CAMTA1: variants seen among roughly 807,000 people sequenced by gnomAD.
The protein encoded by CAMTA1 is calmodulin-binding transcription activator 1.
A neutral mutation model predicts 170.9 loss-of-function variants in CAMTA1; 27 were observed. That is an observed-to-expected ratio of 0.16 (90% confidence interval 0.12 to 0.22). CAMTA1 has a LOEUF of 0.22. CAMTA1 is among the 10% of genes least tolerant of loss of function. The pLI, the probability that CAMTA1 is intolerant of heterozygous loss-of-function variation, is 1.00. For synonymous variants in CAMTA1, 833 were observed against 891.5 expected, an observed-to-expected ratio of 0.93 and a Z score of 1.17; for missense variants, 1,619 against 2,217.2, an observed-to-expected ratio of 0.73 and a Z score of 5.42.
chr1:7,439,954 C>A (rs564075896), intron 5 of CAMTA1, among the ~76,000 whole-genome samples: 7 of 152,356 alleles, frequency 4.6e-5, no homozygotes, highest in African/African-American at 1.4e-4. Flanking sequence ...ACAGAATCAT[C>A]GCTAGAATTC....
intron 4 of CAMTA1, among the ~76,000 whole-genome samples, chr1:7,231,334 T>TGA (rs1662766511): frequency 2.1e-5 from 2 of 95,708 alleles, no homozygotes; most frequent in African/African-American, 3.9e-5. Flanking sequence ...TTAATGTGTG[T>TGA]GTGTGTGTGT....
At chr1:7,142,171 C>T (rs536900586) in intron 4 of CAMTA1, 20 of 518,184 alleles carry the variant, frequency 3.9e-5, no homozygotes, top group South Asian at 2.8e-4. Context: ...CTGCCAGCAC[C>T]CTCCCAGGCT....
rs567599970 is a variant in CAMTA1, at chr1:7,746,165, G to A, written c.4617+74G>A. On this transcript the variant is annotated intron_variant, in intron 18 of 22. Coordinates refer to ENST00000303635, the MANE Select transcript of CAMTA1 (RefSeq NM_015215.4). The stretch of plus-strand genomic sequence containing the variant: ...GGACAGATGAAAGTCAGAATCATGC[G>A]AACAAAAACATTTACTATTTCTTTT... The A allele has an allele frequency of 1.7e-4, 250 of 1,510,196 alleles. 1 individual carries two copies. The highest frequency in any genetic ancestry group is 1.8e-4 in the Middle Eastern group (1 of 5,688). 93.5% of individuals were successfully genotyped at this position (1,510,196 alleles called of 1,614,324 possible). A position where few individuals can be genotyped will look rare whatever the true frequency, so the allele number is the denominator to read the frequency against.
intron 3 of CAMTA1, among the ~76,000 whole-genome samples, chr1:6,950,134 A>T (rs1688228008): frequency 6.6e-6 from 1 of 152,208 alleles, no homozygotes; most frequent in African/African-American, 2.4e-5. Context: ...CAGAGGTCTC[A>T]TCTGCCCAGG....
At chr1:7,018,950 C>T (rs1049501614) in intron 3 of CAMTA1, among the ~76,000 whole-genome samples, 2 of 152,146 alleles carry the variant, frequency 1.3e-5, no homozygotes, top group African/African-American at 4.8e-5. Context: ...CAGAGGGGCC[C>T]GAAGAGACCC....
intron 3 of CAMTA1, among the ~76,000 whole-genome samples, chr1:6,943,872 A>AAAG (rs1687144271): frequency 7.1e-6 from 1 of 140,532 alleles, no homozygotes; most frequent in Non-Finnish European, 1.5e-5. Flanking sequence ...AAAAAAAGAA[A>AAAG]AAAATACACA....
intron 4 of CAMTA1, among the ~76,000 whole-genome samples, chr1:7,095,772 C>T (rs1281330544): frequency 6.6e-6 from 1 of 152,254 alleles, no homozygotes; most frequent in Non-Finnish European, 1.5e-5. Flanking sequence ...GCCCCCCAGT[C>T]ACAGGCAGTG....
At chr1:6,953,197 A>C (rs535255793) in intron 3 of CAMTA1, among the ~76,000 whole-genome samples, 60 of 152,316 alleles carry the variant, frequency 3.9e-4, no homozygotes, top group African/African-American at 1.3e-3. Context: ...TGCAGCTTCC[A>C]GGGATTCAGT....
chr1:7,150,760 C>T (rs1240408089), intron 4 of CAMTA1, among the ~76,000 whole-genome samples: 1 of 152,104 alleles, frequency 6.6e-6, no homozygotes, highest in African/African-American at 2.4e-5. Context: ...GTGCTTGGGT[C>T]GTGGCCGTGC....
intron 5 of CAMTA1, among the ~76,000 whole-genome samples, chr1:7,340,933 A>G (rs986369852): frequency 3.3e-5 from 5 of 152,234 alleles, no homozygotes; most frequent in Non-Finnish European, 7.3e-5. Flanking sequence ...AGTGAACGCC[A>G]TGATAAAAAT....
rs1290791642 is a variant in CAMTA1, at chr1:6,934,749, A to G, written c.234+109539A>G. Among the ~76,000 whole-genome samples the G allele has an allele frequency of 1.3e-5, 2 of 151,614 alleles. No individual in the cohort carries two copies. Among genetic ancestry groups the G allele is most frequent in the Non-Finnish European group, 2.9e-5 (2 of 67,968 alleles). On this transcript the variant is annotated intron_variant, in intron 3 of 22. Coordinates refer to ENST00000303635, the MANE Select transcript of CAMTA1 (RefSeq NM_015215.4). The surrounding 1 kb of genome is among the most constrained non-coding windows in gnomAD (Gnocchi z 4.5). ...CCTAGCCCTGCTCTTCAGTGAAGGT[A>G]TCTTGCAGAGGGCGTATGGTTGGAG...
chr1:6,824,876 G>A (rs551858549), intron 2 of CAMTA1, among the ~76,000 whole-genome samples: 3 of 152,212 alleles, frequency 2.0e-5, no homozygotes, highest in East Asian at 1.9e-4. Context: ...GGGAGCACAA[G>A]CCCGATCCTG....
At chr1:7,160,252 C>T (rs1647129821) in intron 4 of CAMTA1, among the ~76,000 whole-genome samples, 1 of 151,998 alleles carries the variant, frequency 6.6e-6, no homozygotes, top group Non-Finnish European at 1.5e-5. Context: ...AAAATAAAAG[C>T]TGTTATTATT....
intron 2 of CAMTA1, among the ~76,000 whole-genome samples, chr1:6,821,256 G>T (rs1646456497): frequency 1.3e-5 from 2 of 152,166 alleles, no homozygotes; most frequent in Admixed American, 1.3e-4. Flanking sequence ...CTTTGGAAAA[G>T]AATAATGCAA....
chr1:7,736,364 C>T lies in CAMTA1; in HGVS notation c.3087C>T (p.Ala1029=). 6.2e-7 allele frequency: 1 copy of T among 1,614,068 alleles called. No individual in the cohort carries two copies. Among genetic ancestry groups the T allele is most frequent in the Non-Finnish European group, 8.5e-7 (1 of 1,180,002 alleles). The change falls in exon 13 of 23, where the codon GCC becomes GCT. Residue 1029 remains alanine, a synonymous_variant. Coordinates refer to ENST00000303635, the MANE Select transcript of CAMTA1 (RefSeq NM_015215.4). This position sits in a 1 kb window ranked among gnomAD's most constrained non-coding sequence, Gnocchi z 4.5. ...SQAQCASGTG[A]LGSCFESRVV... ...GACAGTGTGCTTCTGGGACTGGGGC[C>T]TTGGGGAGCTGCTTTGAGAGCCGTG...
At chr1:7,737,872 G>C in intron 15 of CAMTA1, 87 bp from the exon 16 acceptor site, 2 of 1,372,462 alleles carry the variant, frequency 1.5e-6, no homozygotes, top group Non-Finnish European at 2.0e-6. Flanking sequence ...TGCACTTTGT[G>C]TCTCTCAGGC....
chr1:7,594,742 A>G (rs926201039), intron 6 of CAMTA1, among the ~76,000 whole-genome samples: 1 of 152,226 alleles, frequency 6.6e-6, no homozygotes, highest in African/African-American at 2.4e-5. Context: ...TAAGACGAAG[A>G]GAGGACTTCA....
At chr1:7,091,877 C>G (rs116178913) in intron 4 of CAMTA1, among the ~76,000 whole-genome samples, 3 of 152,100 alleles carry the variant, frequency 2.0e-5, no homozygotes, top group Non-Finnish European at 1.5e-5. Flanking sequence ...TGCTAACTGC[C>G]GCAAACACTT....
rs1709108451 is a variant in CAMTA1, at chr1:7,067,458, G to A, written c.235-23846G>A. ...CTTCTGCTTCTCTGAGATCTGAGGG[G>A]GATTTGAATGATCTTGACTCTGTTC... On this transcript the variant is annotated intron_variant, in intron 3 of 22. Coordinates refer to ENST00000303635, the MANE Select transcript of CAMTA1 (RefSeq NM_015215.4). This position sits in a 1 kb window ranked among gnomAD's most constrained non-coding sequence, Gnocchi z 4.3. Among the ~76,000 whole-genome samples, 1 of 151,972 alleles carries A rather than the reference G, an allele frequency of 6.6e-6. No homozygotes were observed. The highest frequency in any genetic ancestry group is 1.5e-5 in the Non-Finnish European group (1 of 68,012).
Sources: allele counts gnomAD v4.1 joint callset (sites outside exome capture counted in the v4.1 genomes callset), GRCh38; gene constraint gnomAD v4.1.1; non-coding constraint Gnocchi (gnomAD v3.1); transcripts MANE v1.5; gene names NCBI Gene and HGNC (gene_info 2026-07-23, HGNC 2026-07-21).